Variants in SH3PXD2A observed in about 807,000 individuals in gnomAD.
SH3PXD2A encodes the protein SH3 and PX domains 2A, also known as SH3 and PX domain-containing protein 2A.
A neutral mutation model predicts 115.2 loss-of-function variants in SH3PXD2A; 32 were observed. The ratio of observed to expected loss-of-function variants is 0.28; its 90% CI spans 0.21 to 0.37. The LOEUF is 0.37. Ranked by LOEUF, SH3PXD2A falls within the 10% of genes least tolerant of loss-of-function variation. The probability of loss-of-function intolerance (pLI) is 1.00; values close to 1 mark genes in which losing one functional copy is unlikely to be tolerated. For synonymous variants in SH3PXD2A, 610 were observed against 629.1 expected (o/e 0.97, Z 0.45); for missense variants, 1,328 against 1,498.7 (o/e 0.89, Z 1.88).
At chr10:103,713,499 C>G (rs7922920) in intron 5 of SH3PXD2A, among the ~76,000 whole-genome samples, 26,041 of 152,148 alleles carry the variant, frequency 0.17, 4,325 homozygotes, top group African/African-American at 0.42. Context: ...CTTACTCTCA[C>G]GGAAGATGAA....
At chr10:103,652,709 G>A (rs116472638) in intron 8 of SH3PXD2A, among the ~76,000 whole-genome samples, 3,830 of 152,220 alleles carry the variant, frequency 0.025, 154 homozygotes, top group African/African-American at 0.087. Context: ...CACTTCAGCC[G>A]GGGAGGGGGG....
At chr10:103,812,460 C>T (rs1176045558) in intron 1 of SH3PXD2A, among the ~76,000 whole-genome samples, 1 of 152,152 alleles carries the variant, frequency 6.6e-6, no homozygotes, top group Non-Finnish European at 1.5e-5. Flanking sequence ...CCTGGGCTTC[C>T]AAGGGGCTTG....
intron 13 of SH3PXD2A, among the ~76,000 whole-genome samples, chr10:103,607,649 T>C (rs961052199): frequency 2.0e-5 from 3 of 151,856 alleles, no homozygotes; most frequent in African/African-American, 7.3e-5. Context: ...GTCTGGGAGG[T>C]GTACCCAACA....
At chr10:103,693,299 C>CCCCGCCCCAG (rs1324771518) in intron 5 of SH3PXD2A, 1 of 149,722 alleles carries the variant, frequency 6.7e-6, no homozygotes, top group Non-Finnish European at 1.5e-5. Flanking sequence ...CCCCGCCCCG[C>CCCCGCCCCAG]CCCGCCCCAG....
chr10:103,717,999 T>C (rs1295828204), intron 5 of SH3PXD2A, among the ~76,000 whole-genome samples: 2 of 118,372 alleles, frequency 1.7e-5, no homozygotes, highest in East Asian at 5.6e-4. Context: ...TGGTGTGGCT[T>C]CCATGTGTCT....
chr10:103,701,195 CCAT>C (rs1477214652), intron 5 of SH3PXD2A, among the ~76,000 whole-genome samples: 6 of 149,396 alleles, frequency 4.0e-5, no homozygotes, highest in Non-Finnish European at 7.4e-5. Flanking sequence ...ATCCATCCAT[CCAT>C]CATCCATTTA....
At chr10:103,804,931 C>T (rs564275493) in intron 1 of SH3PXD2A, among the ~76,000 whole-genome samples, 10 of 152,226 alleles carry the variant, frequency 6.6e-5, no homozygotes, top group African/African-American at 2.2e-4. Context: ...TCCCACAGGC[C>T]CTGGGGCAGG....
chr10:103,670,698 A>G (rs1276564657), intron 6 of SH3PXD2A, among the ~76,000 whole-genome samples: 1 of 152,198 alleles, frequency 6.6e-6, no homozygotes, highest in Non-Finnish European at 1.5e-5. Context: ...AACAGGGCAA[A>G]ATCTGAGGTT....
intron 1 of SH3PXD2A, among the ~76,000 whole-genome samples, chr10:103,845,030 T>C (rs1443951126): frequency 2.0e-5 from 3 of 151,722 alleles, no homozygotes; most frequent in East Asian, 3.9e-4. Flanking sequence ...GCTGATAAAA[T>C]AGTATGCAGT....
intron 5 of SH3PXD2A, among the ~76,000 whole-genome samples, chr10:103,699,358 G>A (rs4630220): frequency 0.29 from 43,827 of 152,080 alleles, 6,380 homozygotes; most frequent in Admixed American, 0.32. Flanking sequence ...CTGTTTTGTG[G>A]CACCTGCATC....
intron 3 of SH3PXD2A, among the ~76,000 whole-genome samples, chr10:103,765,301 G>A (rs912556984): frequency 4.6e-5 from 7 of 152,098 alleles, no homozygotes; most frequent in East Asian, 3.9e-4. Flanking sequence ...GGCCCCCCTC[G>A]TTCAGGAGGT....
At chr10:103,696,310 G>C (rs1475107920) in intron 5 of SH3PXD2A, among the ~76,000 whole-genome samples, 2 of 152,180 alleles carry the variant, frequency 1.3e-5, no homozygotes, top group African/African-American at 4.8e-5. Flanking sequence ...GCTGAATAGG[G>C]TGATAAGCAG....
At chr10:103,724,553 A>C (rs1300821892) in intron 4 of SH3PXD2A, among the ~76,000 whole-genome samples, 192 bp from the exon 5 acceptor site, 1 of 151,990 alleles carries the variant, frequency 6.6e-6, no homozygotes, top group African/African-American at 2.4e-5. Context: ...AACGAATCAA[A>C]CAACCAACCT....
chr10:103,717,439 T>C (rs1463033783), intron 5 of SH3PXD2A, among the ~76,000 whole-genome samples: 1 of 152,024 alleles, frequency 6.6e-6, no homozygotes, highest in Non-Finnish European at 1.5e-5. Flanking sequence ...AGGATGCAGT[T>C]CCAGAGCGAG....
At chr10:103,736,642 G>A (rs2038383976) in intron 3 of SH3PXD2A, 1 of 630,846 alleles carries the variant, frequency 1.6e-6, no homozygotes, top group Non-Finnish European at 2.5e-6. Context: ...GATTGGCTGA[G>A]CTGGGAGTAA....
At chr10:103,767,285 C>G (rs552660710) in intron 2 of SH3PXD2A, 116 bp from the exon 3 acceptor site, 1 of 722,296 alleles carries the variant, frequency 1.4e-6, no homozygotes, top group African/African-American at 1.7e-5. Flanking sequence ...GGATGAGTGA[C>G]GCCTGAGATC....
intron 1 of SH3PXD2A, among the ~76,000 whole-genome samples, chr10:103,832,698 A>G (rs1249855059): frequency 6.6e-6 from 1 of 152,210 alleles, no homozygotes; most frequent in Non-Finnish European, 1.5e-5. Flanking sequence ...GTGGGAATTG[A>G]ACAATGAGAA....
chr10:103,712,881 G>A (rs983846437), intron 5 of SH3PXD2A, among the ~76,000 whole-genome samples: 1 of 152,178 alleles, frequency 6.6e-6, no homozygotes, highest in Non-Finnish European at 1.5e-5. Flanking sequence ...GGAGCTGAAG[G>A]GCAATGGCAT....
intron 5 of SH3PXD2A, among the ~76,000 whole-genome samples, chr10:103,694,130 AG>A (rs35134287): frequency 6.6e-6 from 1 of 152,220 alleles, no homozygotes; most frequent in East Asian, 1.9e-4. Context: ...TTCAGTGCTC[AG>A]GGAACAGTGG....
Sources: gnomAD v4.1 joint callset for allele counts (sites outside exome capture counted in the v4.1 genomes callset) on GRCh38, gnomAD v4.1.1 for gene constraint, MANE v1.5 for transcripts, NCBI Gene and HGNC (gene_info 2026-07-23, HGNC 2026-07-21) for gene names.